Variants in FGGY observed in about 807,000 individuals in gnomAD.
The protein encoded by FGGY is FGGY carbohydrate kinase domain containing, also known as FGGY carbohydrate kinase domain-containing protein.
Under a neutral mutation model 71.3 loss-of-function variants are expected in FGGY, and 72 were observed. The ratio of observed to expected loss-of-function variants is 1.01; its 90% CI spans 0.84 to 1.23. The LOEUF (loss-of-function observed/expected upper bound fraction) is 1.23. FGGY is among the 50% of genes most tolerant of loss of function. FGGY has a pLI of 0.00. For missense variants in FGGY, 668 were observed against 682.3 expected, an observed-to-expected ratio of 0.98 and a Z score of 0.23; for synonymous variants, 251 against 250.3, an observed-to-expected ratio of 1.00 and a Z score of -0.02.
chr1:59,617,790 T>C (rs1163112426), intron 9 of FGGY, among the ~76,000 whole-genome samples: 1 of 152,088 alleles, frequency 6.6e-6, no homozygotes, highest in African/African-American at 2.4e-5. Context: ...AAGCCACTGC[T>C]ATGGTGGCAT....
intron 7 of FGGY, among the ~76,000 whole-genome samples, chr1:59,530,271 A>C (rs2095105260): frequency 6.6e-6 from 1 of 152,248 alleles, no homozygotes; most frequent in Admixed American, 6.5e-5. Context: ...AGCACTGCTA[A>C]CTTAGAATTA....
chr1:59,662,309 G>A (rs1210505909), intron 12 of FGGY, among the ~76,000 whole-genome samples: 28 of 139,446 alleles, frequency 2.0e-4, no homozygotes, highest in African/African-American at 7.6e-4. Flanking sequence ...CACAGAGCGA[G>A]ACTCCATCTC....
At chr1:59,583,671 C>G (rs762865906) in intron 8 of FGGY, among the ~76,000 whole-genome samples, 1 of 142,402 alleles carries the variant, frequency 7.0e-6, no homozygotes, top group Non-Finnish European at 1.5e-5. Context: ...TCACAACATT[C>G]ACACACCCCT....
At chr1:59,406,467 C>T (rs762136345) in intron 5 of FGGY, among the ~76,000 whole-genome samples, 4 of 152,216 alleles carry the variant, frequency 2.6e-5, no homozygotes, top group East Asian at 1.9e-4. Flanking sequence ...AAGAAAGCTG[C>T]GATGTGCCTT....
intron 14 of FGGY, among the ~76,000 whole-genome samples, chr1:59,737,439 C>G (rs1005920776): frequency 3.9e-5 from 6 of 152,234 alleles, no homozygotes; most frequent in African/African-American, 2.4e-5. Context: ...GGAGGTTGTA[C>G]CCTGCAGATC....
intron 11 of FGGY, among the ~76,000 whole-genome samples, chr1:59,654,799 G>C (rs1456597681): frequency 1.3e-5 from 2 of 152,184 alleles, no homozygotes; most frequent in East Asian, 3.8e-4. Context: ...ACTCGACTAG[G>C]ATCCCAGGAA....
chr1:59,657,133 T>G (rs1477121171), intron 11 of FGGY, among the ~76,000 whole-genome samples: 2 of 152,340 alleles, frequency 1.3e-5, no homozygotes, highest in African/African-American at 2.4e-5. Context: ...TTGAGAAGGA[T>G]ATCAGAACCC....
intron 5 of FGGY, among the ~76,000 whole-genome samples, chr1:59,398,264 A>T (rs79356909): frequency 0.021 from 3,173 of 152,064 alleles, 51 homozygotes; most frequent in Non-Finnish European, 0.032. Flanking sequence ...TTTTTGAGAC[A>T]TGGTTTCACT....
intron 14 of FGGY, among the ~76,000 whole-genome samples, chr1:59,734,208 A>G (rs1289134643): frequency 1.3e-5 from 2 of 152,120 alleles, no homozygotes; most frequent in Non-Finnish European, 2.9e-5. Context: ...GGTTACATGA[A>G]TAAGTTCTTT....
rs532150233 is a variant in FGGY at position 59,538,692 on chromosome 1, T to A, written c.800-15432T>A. On this transcript the variant is annotated intron_variant, in intron 7 of 15. Transcript: ENST00000303721. ...AAAAAGGATGAGTTCATGTCCTTTG[T>A]TAGGGACATGGATGAAATTGGAAAT... Among the ~76,000 whole-genome samples the A allele has an allele frequency of 6.8e-3, 1,026 of 151,916 alleles. 4 individuals carry two copies. Among genetic ancestry groups the A allele is most frequent in the Non-Finnish European group, 0.011 (775 of 67,946 alleles).
rs754831417 is a variant in FGGY, at chr1:59,542,445, C to CTTTTTTTTTTTT, written c.800-11659_800-11648dup. On this transcript the variant is annotated intron_variant, in intron 7 of 15. Transcript: ENST00000303721. ...GCCAAGACTATATGTATGTTCTTTA[C>CTTTTTTTTTTTT]TTTTTTTTTTTTTTTTTTTTTTTTT... 2.0e-4 allele frequency among the ~76,000 whole-genome samples: 7 copies of CTTTTTTTTTTTT among 34,256 alleles called. 2 individuals are homozygous for CTTTTTTTTTTTT. The highest frequency in any genetic ancestry group is 3.1e-4 in the African/African-American group (3 of 9,584). The allele number at this position is 34,256 out of a possible 152,430, so 22.5% of individuals were successfully genotyped here.
intron 6 of FGGY, among the ~76,000 whole-genome samples, chr1:59,460,038 G>GTT (rs2092042268): frequency 6.6e-6 from 1 of 152,194 alleles, no homozygotes; most frequent in Admixed American, 6.5e-5. Context: ...AGGCAGAAAT[G>GTT]AAGATAAAGG....
intron 13 of FGGY, among the ~76,000 whole-genome samples, chr1:59,669,643 C>T (rs1370863841): frequency 6.7e-6 from 1 of 148,538 alleles, no homozygotes; most frequent in East Asian, 2.0e-4. Context: ...GATCCACCCG[C>T]CTTGGCCTCC....
At chr1:59,354,720 A>G (rs960297183) in intron 4 of FGGY, among the ~76,000 whole-genome samples, 10 of 152,184 alleles carry the variant, frequency 6.6e-5, no homozygotes, top group African/African-American at 2.4e-4. Context: ...AATGAGTGGG[A>G]TAAGGGCCCT....
chr1:59,449,798 T>C (rs1017883809), intron 5 of FGGY, among the ~76,000 whole-genome samples: 3 of 151,774 alleles, frequency 2.0e-5, no homozygotes, highest in Non-Finnish European at 4.4e-5. Flanking sequence ...CCCCCATCTC[T>C]AAAAAATAAA....
In FGGY at chr1:59,636,210, T is replaced by TCA. The variant is rs373292906; in HGVS notation, c.1074-2005_1074-2004dup. Reference sequence around the variant, plus strand: ...CCACCCTAGTACACATCACACGCACTCACACACACACACATATACATGCAT... The same window carrying TCA: ...CCACCCTAGTACACATCACACGCACTCACACACACACACACATATACATGCAT... On this transcript the variant is annotated intron_variant, in intron 10 of 15. Transcript: ENST00000303721. Among the ~76,000 whole-genome samples the TCA allele has an allele frequency of 2.2e-4, 34 of 151,396 alleles. No homozygotes were observed. The South Asian group carries it at 2.5e-3, about 11-fold the overall frequency.
chr1:59,339,856 GA>G (rs2050307642), intron 2 of FGGY, 101 bp from the exon 3 acceptor site: 2 of 668,206 alleles, frequency 3.0e-6, no homozygotes, highest in Non-Finnish European at 5.1e-6. Context: ...ATGTTGTAAA[GA>G]TTTTTTTCTA....
At chr1:59,514,741 T>C (rs1170056519) in intron 7 of FGGY, among the ~76,000 whole-genome samples, 3 of 152,214 alleles carry the variant, frequency 2.0e-5, no homozygotes, top group Non-Finnish European at 4.4e-5. Flanking sequence ...TTTTGCTTCT[T>C]CCTTATTCTT....
At chr1:59,652,029 T>A (rs920420585) in intron 11 of FGGY, among the ~76,000 whole-genome samples, 1 of 149,998 alleles carries the variant, frequency 6.7e-6, no homozygotes, top group Admixed American at 6.6e-5. Flanking sequence ...TTTGGCTGGA[T>A]ATGAAATTCT....
Sources: allele counts gnomAD v4.1 joint callset (sites outside exome capture counted in the v4.1 genomes callset), GRCh38; gene constraint gnomAD v4.1.1; transcripts MANE v1.5; gene names NCBI Gene and HGNC (gene_info 2026-07-23, HGNC 2026-07-21).